The following ZFHX3 variants were observed in gnomAD, a reference collection of about 807,000 sequenced individuals.
The protein encoded by ZFHX3 is zinc finger homeobox 3.
Under a neutral mutation model 279.1 loss-of-function variants are expected in ZFHX3, and 42 were observed. That is an observed-to-expected ratio of 0.15 (90% CI 0.12 to 0.19). ZFHX3 has a LOEUF of 0.19. Among genes scored for constraint, ZFHX3 ranks in the 10% least tolerant of loss-of-function variants. ZFHX3 has a pLI of 1.00. For missense variants in ZFHX3, 4,981 were observed against 4,754.0 expected, an observed-to-expected ratio of 1.05 and a Z score of -1.40; for synonymous variants, 2,293 against 1,957.8, an observed-to-expected ratio of 1.17 and a Z score of -4.52.
chr16:73,527,179 T>C (rs1218418966), intron 2 of ZFHX3, among the ~76,000 whole-genome samples: 1 of 152,098 alleles, frequency 6.6e-6, no homozygotes. Flanking sequence ...TACTATATAG[T>C]TTTTTTGATT....
At chr16:73,396,892 T>A (rs1484661456) in intron 3 of ZFHX3, among the ~76,000 whole-genome samples, 1 of 152,174 alleles carries the variant, frequency 6.6e-6, no homozygotes, top group Non-Finnish European at 1.5e-5. Context: ...TGGTGAGGTG[T>A]GGCCATGTGG....
At chr16:73,634,461 TA>T (rs34811810) in intron 2 of ZFHX3, among the ~76,000 whole-genome samples, 3 of 140,954 alleles carry the variant, frequency 2.1e-5, no homozygotes, top group Admixed American at 7.0e-5. Context: ...TATATATATA[TA>T]AAATATATAT....
chr16:73,115,317 G>A (rs923197869), intron 7 of ZFHX3, among the ~76,000 whole-genome samples: 1 of 145,054 alleles, frequency 6.9e-6, no homozygotes, highest in African/African-American at 2.6e-5. Context: ...TAGGCAGGAG[G>A]CTCGCTTGAG....
At chr16:72,828,265 C>T (rs933254096) in intron 5 of ZFHX3, among the ~76,000 whole-genome samples, 1 of 152,180 alleles carries the variant, frequency 6.6e-6, no homozygotes, top group African/African-American at 2.4e-5. Flanking sequence ...ATTAGGTTGA[C>T]CAAATAAAAT....
At chr16:73,026,673 C>CAAAAAAAAAAAAAAAAA (rs10561679) in intron 1 of ZFHX3, among the ~76,000 whole-genome samples, 6 of 79,624 alleles carry the variant, frequency 7.5e-5, no homozygotes, top group East Asian at 6.3e-4. Flanking sequence ...AAAACTGCCT[C>CAAAAAAAAAAAAAAAAA]AAAAAAAAAA....
chr16:73,125,028 T>C (rs1475772604), intron 7 of ZFHX3, among the ~76,000 whole-genome samples: 2 of 151,944 alleles, frequency 1.3e-5, no homozygotes, highest in African/African-American at 2.4e-5. Context: ...GTGGAGAAGG[T>C]GAGAGAGTAG....
At chr16:73,530,672 A>T (rs1486008508) in intron 2 of ZFHX3, among the ~76,000 whole-genome samples, 1 of 152,148 alleles carries the variant, frequency 6.6e-6, no homozygotes, top group African/African-American at 2.4e-5. Flanking sequence ...GCAGGCTTTC[A>T]TTGATTAAGA....
intron 2 of ZFHX3, among the ~76,000 whole-genome samples, chr16:73,470,553 G>T (rs562082794): frequency 6.6e-6 from 1 of 152,270 alleles, no homozygotes; most frequent in South Asian, 2.1e-4. Flanking sequence ...AGAAAACAGT[G>T]ATAGTCCTAC....
rs142746363 is a variant in ZFHX3 at position 72,889,739 on chromosome 16, G to C, written c.3440C>G (p.Thr1147Arg). ...CCTGTGAGACCACTCACCTGGGTCC[G>C]TGGAGGGGCACCTGCGGATGGTGAA... is the stretch of plus-strand genomic sequence containing the variant. ...QIFTIRRCPS[T>R]DPEEAIEDVE... Residue 1147 changes from threonine to arginine, a missense_variant, in exon 4 of 10, where the codon ACG becomes AGG. Physicochemically the swap from Thr to Arg is moderately conservative, Grantham distance 71. Transcript: ENST00000268489. 4 of 1,612,318 alleles carry C rather than the reference G, an allele frequency of 2.5e-6. No individual in the cohort carries two copies. Among genetic ancestry groups the C allele is most frequent in the Non-Finnish European group, 2.5e-6 (3 of 1,179,902 alleles).
intron 7 of ZFHX3, among the ~76,000 whole-genome samples, chr16:72,805,296 C>A (rs2036230210): frequency 6.6e-6 from 1 of 152,056 alleles, no homozygotes; most frequent in Non-Finnish European, 1.5e-5. Context: ...GAGATATTTT[C>A]TTAGCAAAAG....
Position 72,798,333 on chromosome 16 carries a change from G to A in ZFHX3, c.4349C>T (p.Thr1450Ile), listed in dbSNP as rs747941360. The change falls in exon 9 of 10, where the codon ACA becomes ATA. Residue 1450 changes from threonine (T) to isoleucine (I), a missense_variant. By Grantham distance (89) the Thr-to-Ile change is moderately conservative. Coordinates refer to ENST00000268489, the MANE Select transcript of ZFHX3 (RefSeq NM_006885.4). Reference sequence around the variant, plus strand: ...AGCCTCACTCAGCTCCAGGTGGCTTGTCTCAAGGTGCTTCTTCAGAGCCTG... The same window carrying A: ...AGCCTCACTCAGCTCCAGGTGGCTTATCTCAAGGTGCTTCTTCAGAGCCTG... Reference protein sequence around the residue: ...TFQALKKHLETSHLELSEADI... With the variant: ...TFQALKKHLEISHLELSEADI... 1.5e-5 allele frequency: 24 copies of A among 1,614,092 alleles called. No individual in the cohort carries two copies. In the Admixed American group the frequency reaches 3.8e-4, roughly 26 times the overall value.
chr16:72,858,429 G>A (rs777558213), intron 4 of ZFHX3, among the ~76,000 whole-genome samples: 6 of 152,082 alleles, frequency 3.9e-5, no homozygotes, highest in Non-Finnish European at 8.8e-5. Context: ...AAAAAGAGGG[G>A]GGAAAATGTC....
chr16:73,252,037 G>A (rs58145332), intron 5 of ZFHX3, among the ~76,000 whole-genome samples: 1,510 of 150,916 alleles, frequency 0.01, 21 homozygotes, highest in African/African-American at 0.035. Flanking sequence ...GTCAGTGAGG[G>A]GTGGGGAGGG....
intron 7 of ZFHX3, among the ~76,000 whole-genome samples, chr16:73,116,999 A>G (rs934150963): frequency 1.3e-5 from 2 of 152,202 alleles, no homozygotes; most frequent in Non-Finnish European, 2.9e-5. Context: ...TGAAGAAATA[A>G]GAATCTGCCT....
rs117429586 is a variant in ZFHX3, at chr16:73,231,701, G to A, written c.-1104+25346C>T. On this transcript the variant is annotated intron_variant, in intron 5 of 17. Coordinates refer to the ZFHX3 transcript ENST00000641206. ...TACGCCACTTCTCCAAGAAGCAAAT[G>A]TATCCCTAATATTGGGTTTCACCAC... Among the ~76,000 whole-genome samples the A allele has an allele frequency of 6.0e-4, 92 of 152,268 alleles. 1 individual carries two copies. The East Asian group carries it at 0.017, about 28-fold the overall frequency.
At chr16:73,013,671 A>G (rs1963996636) in intron 1 of ZFHX3, among the ~76,000 whole-genome samples, 1 of 152,174 alleles carries the variant, frequency 6.6e-6, no homozygotes, top group Non-Finnish European at 1.5e-5. Flanking sequence ...TCACAAAATA[A>G]TGTCACATTA....
At chr16:73,568,291 T>TCGGCTCACTGCAAG (rs2020477898) in intron 2 of ZFHX3, among the ~76,000 whole-genome samples, 1 of 147,062 alleles carries the variant, frequency 6.8e-6, no homozygotes, top group African/African-American at 2.7e-5. Context: ...TCCCTGGTTT[T>TCGGCTCACTGCAAG]CAGAAAACAG....
chr16:73,030,915 A>G (rs903226256), intron 1 of ZFHX3, among the ~76,000 whole-genome samples: 1 of 152,266 alleles, frequency 6.6e-6, no homozygotes, highest in Admixed American at 6.5e-5. Flanking sequence ...CTTAGCAAGG[A>G]GCAATTCCTT....
chr16:73,206,602 C>G (rs2011812701), intron 5 of ZFHX3, among the ~76,000 whole-genome samples: 1 of 152,124 alleles, frequency 6.6e-6, no homozygotes, highest in African/African-American at 2.4e-5. Flanking sequence ...CCTTTATCAA[C>G]ATGTATTCAG....
Sources: allele counts gnomAD v4.1 joint callset (sites outside exome capture counted in the v4.1 genomes callset), GRCh38; gene constraint gnomAD v4.1.1; transcripts MANE v1.5; gene names NCBI Gene and HGNC (gene_info 2026-07-23, HGNC 2026-07-21).